ZMAT4: variants seen among roughly 807,000 people sequenced by gnomAD.
ZMAT4 encodes zinc finger matrin-type protein 4.
Under a neutral mutation model 28.7 loss-of-function variants are expected in ZMAT4, and 17 were observed. That is an observed-to-expected ratio of 0.59 (90% CI 0.41 to 0.89). The LOEUF is 0.89. ZMAT4 is among the 40% of genes least tolerant of loss of function. The probability of loss-of-function intolerance (pLI) is 0.00; values close to 1 mark genes in which losing one functional copy is unlikely to be tolerated. For synonymous variants in ZMAT4, 117 were observed against 109.2 expected (o/e 1.07, Z -0.44); for missense variants, 240 against 283.8 (o/e 0.85, Z 1.11).
At chr8:40,836,870 C>T (rs1027907475) in intron 1 of ZMAT4, among the ~76,000 whole-genome samples, 2 of 152,032 alleles carry the variant, frequency 1.3e-5, no homozygotes, top group Non-Finnish European at 2.9e-5. Context: ...CTGTTATTAA[C>T]GACGGTAACT....
intron 6 of ZMAT4, among the ~76,000 whole-genome samples, chr8:40,568,412 G>A (rs999650592): frequency 7.2e-5 from 11 of 152,082 alleles, no homozygotes; most frequent in African/African-American, 2.4e-4. Flanking sequence ...CTTCTATCCC[G>A]CAGCTTCACT....
At chr8:40,681,579 C>T (rs1809167827) in intron 4 of ZMAT4, among the ~76,000 whole-genome samples, 1 of 152,172 alleles carries the variant, frequency 6.6e-6, no homozygotes, top group Non-Finnish European at 1.5e-5. Flanking sequence ...CACCTCCGTG[C>T]CCACCACAAA....
chr8:40,805,156 G>A (rs1815025851), intron 2 of ZMAT4, among the ~76,000 whole-genome samples: 1 of 152,062 alleles, frequency 6.6e-6, no homozygotes, highest in Non-Finnish European at 1.5e-5. Context: ...CTCAAAAGAA[G>A]ACATTTATGC....
At chr8:40,544,215 G>T (rs976533505) in intron 6 of ZMAT4, among the ~76,000 whole-genome samples, 7 of 152,176 alleles carry the variant, frequency 4.6e-5, no homozygotes, top group African/African-American at 1.7e-4. Context: ...ATAGTAAACT[G>T]TAAGAGTGAT....
intron 3 of ZMAT4, among the ~76,000 whole-genome samples, chr8:40,740,739 C>T (rs1384428223): frequency 6.6e-6 from 1 of 152,118 alleles, no homozygotes; most frequent in African/African-American, 2.4e-5. Flanking sequence ...GTTTATGGAG[C>T]CTTGTGAAAA....
chr8:40,667,345 A>G (rs1343334080), intron 5 of ZMAT4, among the ~76,000 whole-genome samples: 1 of 151,952 alleles, frequency 6.6e-6, no homozygotes, highest in East Asian at 1.9e-4. Flanking sequence ...TAGTAGAGAC[A>G]GGGTTTCACA....
Position 40,531,089 on chromosome 8 carries a change from A to C in ZMAT4, c.*1134T>G, listed in dbSNP as rs1335786154. 1 of 152,668 alleles carries C rather than the reference A, an allele frequency of 6.6e-6. No homozygotes were observed. Among genetic ancestry groups the C allele is most frequent in the Non-Finnish European group, 1.5e-5 (1 of 68,134 alleles). The allele number at this position is 152,668 out of a possible 1,614,324, so 9.5% of individuals were successfully genotyped here. A position where few individuals can be genotyped will look rare whatever the true frequency, so the allele number is the denominator to read the frequency against. ...GCAGGGCATCGTCAGTAGAAGCTCAACGTCCCACTTCGTAACCAGGCTACA... is the reference window on the plus strand; with the variant it reads ...GCAGGGCATCGTCAGTAGAAGCTCACCGTCCCACTTCGTAACCAGGCTACA... On this transcript the variant is annotated 3_prime_UTR_variant, in exon 7 of 7. Transcript: ENST00000297737.
At chr8:40,647,996 A>G (rs1807423909) in intron 5 of ZMAT4, among the ~76,000 whole-genome samples, 1 of 152,228 alleles carries the variant, frequency 6.6e-6, no homozygotes, top group Non-Finnish European at 1.5e-5. Flanking sequence ...GAAAAACTGG[A>G]AACTCTAAAA....
intron 2 of ZMAT4, among the ~76,000 whole-genome samples, chr8:40,794,494 G>T (rs146425069): frequency 1.3e-5 from 2 of 152,172 alleles, no homozygotes; most frequent in African/African-American, 4.8e-5. Context: ...CCACAGTCCT[G>T]CTTCTCTATC....
intron 6 of ZMAT4, among the ~76,000 whole-genome samples, chr8:40,574,755 G>A (rs1804206396): frequency 6.6e-6 from 1 of 152,132 alleles, no homozygotes; most frequent in South Asian, 2.1e-4. Context: ...TTCCCATGTG[G>A]AGAAAAGATA....
intron 1 of ZMAT4, among the ~76,000 whole-genome samples, chr8:40,870,448 A>C (rs539786551): frequency 3.2e-4 from 49 of 152,218 alleles, no homozygotes; most frequent in Non-Finnish European, 5.6e-4. Flanking sequence ...CCAACTAAAG[A>C]ACCTGGGAGG....
chr8:40,655,711 T>C (rs1807890253), intron 5 of ZMAT4, among the ~76,000 whole-genome samples: 1 of 152,018 alleles, frequency 6.6e-6, no homozygotes, highest in African/African-American at 2.4e-5. Context: ...ATAAGAGAAG[T>C]CTTTTCAACA....
intron 1 of ZMAT4, among the ~76,000 whole-genome samples, chr8:40,859,306 G>C (rs957326859): frequency 6.6e-6 from 1 of 152,136 alleles, no homozygotes; most frequent in African/African-American, 2.4e-5. Flanking sequence ...GGCTGCTCAG[G>C]TGACACAAAT....
intron 2 of ZMAT4, among the ~76,000 whole-genome samples, chr8:40,780,066 A>G (rs937538867): frequency 4.6e-5 from 7 of 151,808 alleles, no homozygotes; most frequent in Non-Finnish European, 1.0e-4. Context: ...AACCACCTTC[A>G]CAACCTTGCC....
At chr8:40,717,451 T>C (rs1166265059) in intron 3 of ZMAT4, among the ~76,000 whole-genome samples, 1 of 152,068 alleles carries the variant, frequency 6.6e-6, no homozygotes, top group Non-Finnish European at 1.5e-5. Flanking sequence ...GGCCAGGAGT[T>C]TGAGACCAGC....
At chr8:40,771,034 C>T (rs1225526082) in intron 2 of ZMAT4, among the ~76,000 whole-genome samples, 3 of 151,988 alleles carry the variant, frequency 2.0e-5, no homozygotes, top group African/African-American at 4.8e-5. Flanking sequence ...TATCCATTGC[C>T]GCATTACCTA....
At chr8:40,791,041 T>A (rs1814304848) in intron 2 of ZMAT4, among the ~76,000 whole-genome samples, 1 of 152,230 alleles carries the variant, frequency 6.6e-6, no homozygotes, top group African/African-American at 2.4e-5. Context: ...GAAAGGCGGC[T>A]CTTTCCAATA....
intron 5 of ZMAT4, among the ~76,000 whole-genome samples, chr8:40,620,264 A>C (rs931309778): frequency 2.6e-5 from 4 of 152,238 alleles, no homozygotes; most frequent in African/African-American, 9.6e-5. Context: ...TAATGTGAGA[A>C]ATAAAAGTAT....
intron 5 of ZMAT4, among the ~76,000 whole-genome samples, chr8:40,632,552 G>A (rs775885526): frequency 7.8e-4 from 118 of 152,080 alleles, no homozygotes; most frequent in African/African-American, 2.5e-3. Flanking sequence ...AAAGATTAAC[G>A]TGTTTATGAA....
Sources: gnomAD v4.1 joint callset for allele counts (sites outside exome capture counted in the v4.1 genomes callset) on GRCh38, gnomAD v4.1.1 for gene constraint, MANE v1.5 for transcripts, NCBI Gene and HGNC (gene_info 2026-07-23, HGNC 2026-07-21) for gene names.